The following SLC9A9 variants were observed in gnomAD, a reference collection of about 807,000 sequenced individuals.
SLC9A9 encodes the protein solute carrier family 9 member A9, also known as sodium/hydrogen exchanger 9.
In SLC9A9, 62 loss-of-function variants were observed where a neutral mutation model predicts 77.8. The observed-to-expected ratio is 0.80, with a 90% CI of 0.65 to 0.98. The LOEUF (loss-of-function observed/expected upper bound fraction) is 0.98, where lower values mean the gene tolerates loss of function less well. Ranked by LOEUF, SLC9A9 falls within the 50% of genes least tolerant of loss-of-function variation. The probability of loss-of-function intolerance (pLI) is 0.00; values close to 1 mark genes in which losing one functional copy is unlikely to be tolerated. For synonymous variants in SLC9A9, 320 were observed against 283.5 expected (o/e 1.13, Z -1.29); for missense variants, 775 against 774.9 (o/e 1.00, Z 0.00).
At chr3:143,578,546 C>A (rs768431660) in intron 7 of SLC9A9, 39 bp downstream of exon 7, 3 of 1,613,428 alleles carry the variant, frequency 1.9e-6, no homozygotes, top group African/African-American at 2.7e-5. Context: ...ACTGACTGTT[C>A]TTGACAGTCC....
chr3:143,728,898 G>C (rs917466372), intron 4 of SLC9A9, among the ~76,000 whole-genome samples: 3 of 151,900 alleles, frequency 2.0e-5, no homozygotes, highest in African/African-American at 7.3e-5. Flanking sequence ...CATTAGAGGG[G>C]AGTGGGTGAT....
rs549151538 is a variant in SLC9A9 at position 143,489,562 on chromosome 3, T to C, written c.1315+4091A>G. Among the ~76,000 whole-genome samples, 4 of 151,946 alleles carry C rather than the reference T, an allele frequency of 2.6e-5. No homozygotes were observed. In the East Asian group the frequency reaches 7.7e-4, roughly 29 times the overall value. ...GATAAAAAAATGTAAGGCCTAAAACTATAAAACTCTTAGAAAAAGAATAGG... is the reference window on the plus strand; with the variant it reads ...GATAAAAAAATGTAAGGCCTAAAACCATAAAACTCTTAGAAAAAGAATAGG... On this transcript the variant is annotated intron_variant, in intron 11 of 15. Coordinates refer to ENST00000316549, the MANE Select transcript of SLC9A9 (RefSeq NM_173653.4).
At chr3:143,594,133 A>G (rs530461794) in intron 6 of SLC9A9, among the ~76,000 whole-genome samples, 2 of 151,888 alleles carry the variant, frequency 1.3e-5, no homozygotes, top group Admixed American at 6.6e-5. Flanking sequence ...AGGAGAGAGA[A>G]AAAAAAAATT....
chr3:143,554,399 G>A (rs575668572), intron 8 of SLC9A9, among the ~76,000 whole-genome samples: 4 of 152,152 alleles, frequency 2.6e-5, no homozygotes, highest in South Asian at 2.1e-4. Context: ...GAAACTTTGG[G>A]ACCACCCTAA....
chr3:143,650,661 T>G (rs1422928568), intron 6 of SLC9A9, among the ~76,000 whole-genome samples: 1 of 152,226 alleles, frequency 6.6e-6, no homozygotes, highest in Non-Finnish European at 1.5e-5. Flanking sequence ...GATACCAGAA[T>G]TGCCGAAGCT....
intron 13 of SLC9A9, among the ~76,000 whole-genome samples, chr3:143,370,664 A>T (rs1362945986): frequency 6.6e-6 from 1 of 151,888 alleles, no homozygotes; most frequent in Non-Finnish European, 1.5e-5. Flanking sequence ...AAAACCCAGA[A>T]CCACTACTGC....
At chr3:143,753,744 C>T (rs1422922779) in intron 4 of SLC9A9, among the ~76,000 whole-genome samples, 3 of 152,096 alleles carry the variant, frequency 2.0e-5, no homozygotes, top group Non-Finnish European at 4.4e-5. Context: ...CCAGCCCTAG[C>T]CTTTCTGGGA....
At chr3:143,654,837 A>G (rs975195076) in intron 5 of SLC9A9, among the ~76,000 whole-genome samples, 1 of 152,100 alleles carries the variant, frequency 6.6e-6, no homozygotes, top group Non-Finnish European at 1.5e-5. Context: ...CCTCTGCCCT[A>G]TGGGGAAGAC....
intron 14 of SLC9A9, among the ~76,000 whole-genome samples, chr3:143,302,732 C>G (rs1281666262): frequency 6.6e-6 from 1 of 152,178 alleles, no homozygotes; most frequent in Non-Finnish European, 1.5e-5. Flanking sequence ...TGGGAACAGA[C>G]AGAATGACTG....
intron 9 of SLC9A9, among the ~76,000 whole-genome samples, chr3:143,514,107 G>A (rs536239540): frequency 1.3e-5 from 2 of 151,384 alleles, no homozygotes; most frequent in East Asian, 3.9e-4. Flanking sequence ...TTGGTTTTTT[G>A]TCCTTACAAT....
chr3:143,811,774 A>T (rs2008872827), intron 2 of SLC9A9: 1 of 452,148 alleles, frequency 2.2e-6, no homozygotes, highest in African/African-American at 2.0e-5. Context: ...AGGCACGAGA[A>T]TCGCATGAAC....
chr3:143,508,983 G>C (rs9838454), intron 9 of SLC9A9, among the ~76,000 whole-genome samples: 33,327 of 151,916 alleles, frequency 0.22, 4,710 homozygotes, highest in Non-Finnish European at 0.32. Context: ...AAGTTTACTT[G>C]ATTTAACTAA....
intron 4 of SLC9A9, among the ~76,000 whole-genome samples, chr3:143,764,367 C>A (rs950579795): frequency 6.6e-6 from 1 of 152,178 alleles, no homozygotes; most frequent in African/African-American, 2.4e-5. Context: ...CCAGATAGAA[C>A]ACTTCTAATT....
rs192025445 is a variant in SLC9A9, at chr3:143,633,836, G to T, written c.755+18419C>A. On this transcript the variant is annotated intron_variant, in intron 6 of 15. Coordinates refer to ENST00000316549, the MANE Select transcript of SLC9A9 (RefSeq NM_173653.4). ...AAAATATGCTTCCAATGTTTTTGTA[G>T]TTTTTCTTAACATTGAGCTCTGTAA... Among the ~76,000 whole-genome samples the T allele has an allele frequency of 2.6e-5, 4 of 152,206 alleles. No individual in the cohort carries two copies. In the South Asian group the frequency reaches 8.3e-4, roughly 32 times the overall value.
chr3:143,613,488 G>A (rs561447952), intron 6 of SLC9A9, among the ~76,000 whole-genome samples: 2 of 152,242 alleles, frequency 1.3e-5, no homozygotes, highest in East Asian at 3.9e-4. Context: ...TATGTTAAGT[G>A]CTTACCAGGT....
chr3:143,660,782 G>A (rs1017120783), intron 5 of SLC9A9, among the ~76,000 whole-genome samples: 4 of 152,142 alleles, frequency 2.6e-5, no homozygotes, highest in African/African-American at 9.7e-5. Context: ...CTTAGCTATA[G>A]CACAGCTCTC....
chr3:143,449,997 TATATACATATATGCATATATACATATAA>T (rs2034968537), intron 12 of SLC9A9, among the ~76,000 whole-genome samples: 1 of 100,256 alleles, frequency 1.0e-5, no homozygotes, highest in African/African-American at 4.1e-5. Context: ...TATATACATA[TATATACATATATGCATATATACATATAA>T]TATATATACA....
At chr3:143,597,432 T>C (rs2037774744) in intron 6 of SLC9A9, among the ~76,000 whole-genome samples, 2 of 152,164 alleles carry the variant, frequency 1.3e-5, no homozygotes, top group South Asian at 2.1e-4. Context: ...GAGAGAAAGT[T>C]AAGCTGTTGA....
chr3:143,401,578 A>G (rs900888276), intron 12 of SLC9A9, among the ~76,000 whole-genome samples: 3 of 152,176 alleles, frequency 2.0e-5, no homozygotes, highest in African/African-American at 4.8e-5. Flanking sequence ...ATCCATAAAT[A>G]TAATAAATCT....
Sources: allele counts gnomAD v4.1 joint callset (sites outside exome capture counted in the v4.1 genomes callset), GRCh38; gene constraint gnomAD v4.1.1; transcripts MANE v1.5; gene names NCBI Gene and HGNC (gene_info 2026-07-23, HGNC 2026-07-21).